The following RNF130 variants were observed in gnomAD, a reference collection of about 807,000 sequenced individuals.
RNF130 encodes ring finger protein 130.
Under a neutral mutation model 44.6 loss-of-function variants are expected in RNF130, and 21 were observed. The observed-to-expected ratio is 0.47, with a 90% CI of 0.33 to 0.68. The LOEUF (loss-of-function observed/expected upper bound fraction) is 0.68, where lower values mean the gene tolerates loss of function less well. RNF130 is among the 30% of genes least tolerant of loss of function. The probability of loss-of-function intolerance (pLI) is 0.02; values close to 1 mark genes in which losing one functional copy is unlikely to be tolerated. For missense variants in RNF130, 479 were observed against 560.6 expected, an observed-to-expected ratio of 0.85 and a Z score of 1.47; for synonymous variants, 214 against 210.4, an observed-to-expected ratio of 1.02 and a Z score of -0.15.
At chr5:180,006,583 G>C (rs1001208187) in intron 3 of RNF130, among the ~76,000 whole-genome samples, 1 of 152,122 alleles carries the variant, frequency 6.6e-6, no homozygotes, top group East Asian at 1.9e-4. Flanking sequence ...ATTTTCACTG[G>C]GAAGTTTTAA....
chr5:179,960,001 C>T (rs1055090010), intron 8 of RNF130, among the ~76,000 whole-genome samples: 10 of 152,162 alleles, frequency 6.6e-5, no homozygotes, highest in Non-Finnish European at 1.3e-4. Flanking sequence ...AGTCACGCCT[C>T]CCACTAAACT....
At chr5:179,973,228 C>G (rs370396795) in intron 5 of RNF130, among the ~76,000 whole-genome samples, 1 of 152,142 alleles carries the variant, frequency 6.6e-6, no homozygotes, top group South Asian at 2.1e-4. Context: ...CATGGCACAT[C>G]CCTCGCTTCC....
intron 5 of RNF130, 43 bp from the exon 6 acceptor site, chr5:179,970,549 A>C: frequency 6.8e-7 from 1 of 1,475,388 alleles, no homozygotes; most frequent in Non-Finnish European, 9.3e-7. Flanking sequence ...ACATACCAAG[A>C]AACTTATTAG....
Position 179,970,494 on chromosome 5 carries a change from G to A in RNF130, c.861C>T (p.His287=). ...TAAGCCAGGGATCCACGCAGGATTT[G>A]TGGAAAACATGCCTATAAAATAATG... ...VRILPCKHVF[H]KSCVDPWLSE... The change falls in exon 6 of 9, where the codon CAC becomes CAT. Residue 287 remains histidine, a synonymous_variant. Transcript: ENST00000521389. 1 of 1,612,256 alleles carries A rather than the reference G, an allele frequency of 6.2e-7. No homozygotes were observed. Among genetic ancestry groups the A allele is most frequent in the Non-Finnish European group, 8.5e-7 (1 of 1,178,908 alleles).
At chr5:180,037,419 G>C (rs770911318) in intron 2 of RNF130, among the ~76,000 whole-genome samples, 1 of 152,194 alleles carries the variant, frequency 6.6e-6, no homozygotes, top group Admixed American at 6.5e-5. Flanking sequence ...AGAGTCACAA[G>C]AGGCCTTACA....
intron 2 of RNF130, among the ~76,000 whole-genome samples, chr5:180,032,249 G>T (rs1764146464): frequency 6.6e-6 from 1 of 152,008 alleles, no homozygotes; most frequent in African/African-American, 2.4e-5. Context: ...GGAGTTATAG[G>T]CAAGAACTTC....
At chr5:180,044,513 G>A (rs1339602984) in intron 1 of RNF130, among the ~76,000 whole-genome samples, 1 of 152,090 alleles carries the variant, frequency 6.6e-6, no homozygotes, top group African/African-American at 2.4e-5. Context: ...ATACAATGTG[G>A]CAAACGCCTT....
chr5:179,990,994 G>A (rs756668379), intron 3 of RNF130, among the ~76,000 whole-genome samples: 4 of 151,942 alleles, frequency 2.6e-5, no homozygotes, highest in African/African-American at 7.3e-5. Flanking sequence ...CTCTTGCCTC[G>A]GCACCTGGGT....
At chr5:180,006,844 A>G (rs1763472544) in intron 3 of RNF130, among the ~76,000 whole-genome samples, 1 of 152,228 alleles carries the variant, frequency 6.6e-6, no homozygotes, top group Admixed American at 6.5e-5. Context: ...TCAGTGACTT[A>G]ATTTGACAGC....
intron 7 of RNF130, among the ~76,000 whole-genome samples, chr5:179,926,417 A>C (rs1318379898): frequency 6.6e-6 from 1 of 152,164 alleles, no homozygotes; most frequent in African/African-American, 2.4e-5. Flanking sequence ...AGGCCGAGGC[A>C]GGCGGATCAC....
At chr5:180,068,366 CA>C (rs1765156996) in intron 1 of RNF130, among the ~76,000 whole-genome samples, 1 of 152,218 alleles carries the variant, frequency 6.6e-6, no homozygotes, top group Non-Finnish European at 1.5e-5. Flanking sequence ...CATGTTCCTT[CA>C]AAACTCCGTT....
chr5:179,945,176 G>C (rs997822556), intron 7 of RNF130, among the ~76,000 whole-genome samples: 2 of 152,178 alleles, frequency 1.3e-5, no homozygotes, highest in East Asian at 3.9e-4. Context: ...TGGAGGTGAG[G>C]CTGGGCCTTC....
chr5:179,927,586 C>CTTTTTT (rs5873673), intron 7 of RNF130, among the ~76,000 whole-genome samples: 3 of 112,172 alleles, frequency 2.7e-5, no homozygotes, highest in Non-Finnish European at 5.4e-5. Flanking sequence ...TTAGCTTTGT[C>CTTTTTT]TTTTTTTTTT....
intron 2 of RNF130, among the ~76,000 whole-genome samples, chr5:180,020,457 C>T (rs1763845041): frequency 2.0e-5 from 3 of 152,304 alleles, no homozygotes; most frequent in East Asian, 1.9e-4. Flanking sequence ...AAAGACCAAC[C>T]TGTAATTTTG....
chr5:180,011,432 G>GCATCATAT (rs1314963635), intron 3 of RNF130, among the ~76,000 whole-genome samples: 3 of 152,114 alleles, frequency 2.0e-5, no homozygotes, highest in African/African-American at 7.2e-5. Context: ...GGGTAACAGG[G>GCATCATAT]CATCATATCT....
intron 5 of RNF130, among the ~76,000 whole-genome samples, chr5:179,971,496 A>G (rs1165550011): frequency 6.6e-6 from 1 of 152,174 alleles, no homozygotes; most frequent in East Asian, 1.9e-4. Flanking sequence ...TAGCCTCACA[A>G]GCAGCTGGGA....
intron 2 of RNF130, among the ~76,000 whole-genome samples, chr5:180,035,494 C>T (rs1170428956): frequency 4.6e-5 from 7 of 152,166 alleles, no homozygotes; most frequent in African/African-American, 1.7e-4. Flanking sequence ...GTAGAGTGTG[C>T]TACATATGTT....
At chr5:179,998,892 A>ATATATATATATATATATATATC (rs1267233811) in intron 3 of RNF130, among the ~76,000 whole-genome samples, 1 of 101,030 alleles carries the variant, frequency 9.9e-6, no homozygotes, top group African/African-American at 3.8e-5. Flanking sequence ...TATGTTTTAT[A>ATATATATATATATATATATATC]TATCTGAGTG....
intron 3 of RNF130, among the ~76,000 whole-genome samples, chr5:179,985,786 A>C (rs1223789774): frequency 6.6e-6 from 1 of 152,120 alleles, no homozygotes; most frequent in Non-Finnish European, 1.5e-5. Flanking sequence ...CTGAAGTCTT[A>C]ATTCTCTCTT....
Sources: gnomAD v4.1 joint callset for allele counts (sites outside exome capture counted in the v4.1 genomes callset) on GRCh38, gnomAD v4.1.1 for gene constraint, MANE v1.5 for transcripts, NCBI Gene and HGNC (gene_info 2026-07-23, HGNC 2026-07-21) for gene names.